The following SUGCT variants were observed in gnomAD, a reference collection of about 807,000 sequenced individuals.
SUGCT encodes the protein succinyl-CoA:glutarate CoA-transferase.
Under a neutral mutation model 55.0 loss-of-function variants are expected in SUGCT, and 41 were observed. The ratio of observed to expected loss-of-function variants is 0.74; its 90% confidence interval spans 0.58 to 0.97. The LOEUF (loss-of-function observed/expected upper bound fraction) is 0.97, where lower values mean the gene tolerates loss of function less well. Among genes scored for constraint, SUGCT ranks in the 50% least tolerant of loss-of-function variants. SUGCT has a pLI of 0.00. For missense variants in SUGCT, 568 were observed against 547.8 expected, an observed-to-expected ratio of 1.04 and a Z score of -0.37; for synonymous variants, 187 against 200.4, an observed-to-expected ratio of 0.93 and a Z score of 0.56.
intron 7 of SUGCT, among the ~76,000 whole-genome samples, chr7:40,271,087 T>C (rs535530043): frequency 1.3e-5 from 2 of 152,170 alleles, no homozygotes; most frequent in Non-Finnish European, 2.9e-5. Context: ...CTAAGAGTTT[T>C]TTAGTGGATT....
the SUGCT span, among the ~76,000 whole-genome samples, chr7:40,981,279 C>T: frequency 6.6e-6 from 1 of 152,170 alleles, no homozygotes; most frequent in Non-Finnish European, 1.5e-5. Context: ...CACATGTTTG[C>T]AACCAGATAG....
the SUGCT span, among the ~76,000 whole-genome samples, chr7:40,973,148 C>G: frequency 1.3e-5 from 2 of 152,176 alleles, no homozygotes; most frequent in Non-Finnish European, 2.9e-5. Context: ...ACAACATTGC[C>G]TCTCCTCCTC....
intron 6 of SUGCT, among the ~76,000 whole-genome samples, chr7:40,195,740 A>T: frequency 8.2e-6 from 1 of 122,478 alleles, no homozygotes; most frequent in Non-Finnish European, 1.6e-5. Context: ...TTTGAGACAG[A>T]GTCTCACTCT....
At chr7:40,973,694 T>C in the SUGCT span, among the ~76,000 whole-genome samples, 1 of 152,230 alleles carries the variant, frequency 6.6e-6, no homozygotes, top group Non-Finnish European at 1.5e-5. Flanking sequence ...CATAGAACTT[T>C]CCTATAATTT....
At chr7:40,651,812 A>G (rs534872887) in intron 12 of SUGCT, among the ~76,000 whole-genome samples, 1 of 152,142 alleles carries the variant, frequency 6.6e-6, no homozygotes, top group East Asian at 1.9e-4. Context: ...TGTGCTTACC[A>G]CCGCATTTTT....
chr7:40,696,200 C>A (rs1405663385), intron 12 of SUGCT, among the ~76,000 whole-genome samples: 1 of 152,086 alleles, frequency 6.6e-6, no homozygotes, highest in East Asian at 1.9e-4. Flanking sequence ...TCCTCAGTCA[C>A]CCATCAGTCA....
intron 12 of SUGCT, among the ~76,000 whole-genome samples, chr7:40,678,270 T>C (rs892536548): frequency 2.6e-5 from 4 of 152,208 alleles, no homozygotes; most frequent in African/African-American, 4.8e-5. Flanking sequence ...TCTAAGGTGC[T>C]GCTCCTATTT....
chr7:40,150,050 G>A (rs767279030), intron 1 of SUGCT, among the ~76,000 whole-genome samples: 4 of 130,724 alleles, frequency 3.1e-5, no homozygotes, highest in Admixed American at 7.6e-5. Context: ...CCAAGATCAC[G>A]CCACTGCACT....
At chr7:40,179,898 G>T (rs1447858939) in intron 1 of SUGCT, among the ~76,000 whole-genome samples, 2 of 152,234 alleles carry the variant, frequency 1.3e-5, no homozygotes, top group Admixed American at 1.3e-4. Context: ...GTGCCAACGT[G>T]GGAGGAGAAT....
the SUGCT span, among the ~76,000 whole-genome samples, chr7:40,994,958 CT>C: frequency 6.6e-6 from 1 of 152,196 alleles, no homozygotes; most frequent in South Asian, 2.1e-4. Flanking sequence ...TGGCACCATG[CT>C]TTCTGTACAG....
chr7:40,778,345 G>A (rs940030435), intron 13 of SUGCT, among the ~76,000 whole-genome samples: 9 of 152,186 alleles, frequency 5.9e-5, no homozygotes, highest in Non-Finnish European at 1.3e-4. Context: ...TCATAACAGT[G>A]CGGTAGCCAT....
intron 9 of SUGCT, among the ~76,000 whole-genome samples, chr7:40,357,654 C>T (rs888213378): frequency 6.6e-6 from 1 of 152,152 alleles, no homozygotes; most frequent in South Asian, 2.1e-4. Context: ...GTTATGAACA[C>T]TGACATTTCA....
intron 13 of SUGCT, among the ~76,000 whole-genome samples, chr7:40,772,503 TATCTATCTATC>T (rs1789164708): frequency 4.0e-4 from 16 of 40,192 alleles, no homozygotes; most frequent in Non-Finnish European, 4.7e-4. Flanking sequence ...AATATCTATC[TATCTATCTATC>T]TATCTATCTA....
chr7:40,549,358 G>T (rs932637235), intron 12 of SUGCT, among the ~76,000 whole-genome samples: 6 of 152,076 alleles, frequency 3.9e-5, no homozygotes, highest in African/African-American at 1.4e-4. Context: ...TAATGACTAG[G>T]AATAAACAAT....
chr7:40,814,568 A>G (rs1584479313), intron 13 of SUGCT, among the ~76,000 whole-genome samples: 3 of 150,410 alleles, frequency 2.0e-5, no homozygotes, highest in African/African-American at 7.3e-5. Flanking sequence ...TTTTTTTTTT[A>G]AAGATGTTTA....
intron 13 of SUGCT, among the ~76,000 whole-genome samples, chr7:40,763,630 G>T (rs1057482860): frequency 1.3e-5 from 2 of 152,132 alleles, no homozygotes; most frequent in Non-Finnish European, 2.9e-5. Context: ...CTTGCCCAAG[G>T]TTGCACAGAG....
intron 12 of SUGCT, among the ~76,000 whole-genome samples, chr7:40,722,753 TA>T (rs1245716290): frequency 6.6e-6 from 1 of 152,230 alleles, no homozygotes; most frequent in African/African-American, 2.4e-5. Flanking sequence ...TGAATTACCA[TA>T]TTGCTACTTC....
chr7:40,431,297 G>A (rs1787884740), intron 9 of SUGCT, among the ~76,000 whole-genome samples: 1 of 152,044 alleles, frequency 6.6e-6, no homozygotes. Flanking sequence ...CCACTGGTCT[G>A]TGTGTCTGTT....
chr7:40,810,200 A>T (rs1432964371), intron 13 of SUGCT, among the ~76,000 whole-genome samples: 1 of 151,604 alleles, frequency 6.6e-6, no homozygotes, highest in Non-Finnish European at 1.5e-5. Context: ...ATCATGGCTC[A>T]CTGTAGCCTC....
Sources: gnomAD v4.1 joint callset for allele counts (sites outside exome capture counted in the v4.1 genomes callset) on GRCh38, gnomAD v4.1.1 for gene constraint, MANE v1.5 for transcripts, NCBI Gene and HGNC (gene_info 2026-07-23, HGNC 2026-07-21) for gene names.